The following TAFA5 variants were observed in gnomAD, a reference collection of about 807,000 sequenced individuals.
TAFA5 encodes the protein TAFA chemokine like family member 5.
TAFA5 carries 6 observed loss-of-function variants against 15.3 expected under a neutral mutation model. The ratio of observed to expected loss-of-function variants is 0.39; its 90% CI spans 0.21 to 0.77. The LOEUF is 0.77. Ranked by LOEUF, TAFA5 falls within the 30% of genes least tolerant of loss-of-function variation. The pLI is 0.41. For missense variants in TAFA5, 161 were observed against 193.1 expected (o/e 0.83, Z 0.98); for synonymous variants, 103 against 80.7 (o/e 1.28, Z -1.48).
rs565293218 is a variant in TAFA5 at position 48,586,995 on chromosome 22, G to A, written c.113-59602G>A. Among the ~76,000 whole-genome samples, 3 of 152,346 alleles carry A rather than the reference G, an allele frequency of 2.0e-5. No homozygotes were observed. In the East Asian group the frequency reaches 5.8e-4, roughly 29 times the overall value. ...CCACATGGGGACTCTGGTGAGAACC[G>A]GGCCTCCACCGACCCCCTGTCCAGG... On this transcript the variant is annotated intron_variant, in intron 1 of 3. Transcript: ENST00000402357.
chr22:48,602,729 C>G (rs1259183063), intron 1 of TAFA5, among the ~76,000 whole-genome samples: 1 of 152,164 alleles, frequency 6.6e-6, no homozygotes, highest in Non-Finnish European at 1.5e-5. Flanking sequence ...ACTGTGTGGC[C>G]TTGAAGTGTC....
At chr22:48,522,388 G>A (rs181818296) in intron 1 of TAFA5, among the ~76,000 whole-genome samples, 1 of 152,178 alleles carries the variant, frequency 6.6e-6, no homozygotes, top group Middle Eastern at 3.4e-3. Flanking sequence ...AGGTCCGGAG[G>A]CGGCCACCTC....
At chr22:48,740,866 C>A (rs998702901) in intron 3 of TAFA5, among the ~76,000 whole-genome samples, 1 of 152,212 alleles carries the variant, frequency 6.6e-6, no homozygotes, top group African/African-American at 2.4e-5. Flanking sequence ...CGCCCTCACC[C>A]CTGAGAACCC....
chr22:48,510,259 C>T (rs1362942885), intron 1 of TAFA5, among the ~76,000 whole-genome samples: 2 of 152,178 alleles, frequency 1.3e-5, no homozygotes, highest in African/African-American at 2.4e-5. Flanking sequence ...AAGAAGACAC[C>T]TGTGGAATGG....
chr22:48,710,878 C>T (rs1329155593), intron 3 of TAFA5, among the ~76,000 whole-genome samples: 6 of 152,160 alleles, frequency 3.9e-5, no homozygotes, highest in Admixed American at 1.3e-4. Context: ...TTGAATACTG[C>T]GGCTGGGTGA....
chr22:48,607,660 C>T (rs1051614083), intron 1 of TAFA5, among the ~76,000 whole-genome samples: 2 of 140,528 alleles, frequency 1.4e-5, no homozygotes, highest in African/African-American at 5.4e-5. Context: ...GCAGGTCTGT[C>T]CCAGGTTCTG....
intron 1 of TAFA5, among the ~76,000 whole-genome samples, chr22:48,535,569 T>C (rs1569015584): frequency 6.6e-6 from 1 of 152,096 alleles, no homozygotes; most frequent in Non-Finnish European, 1.5e-5. Flanking sequence ...GCTGTGTGGG[T>C]ATATGCATAT....
chr22:48,547,599 CA>C (rs1389207839), intron 1 of TAFA5, among the ~76,000 whole-genome samples: 5 of 152,106 alleles, frequency 3.3e-5, no homozygotes, highest in African/African-American at 1.2e-4. Context: ...CGCTCGTGTT[CA>C]GGGGTGCTGC....
At chr22:48,705,297 G>T (rs541906917) in intron 2 of TAFA5, among the ~76,000 whole-genome samples, 1 of 152,276 alleles carries the variant, frequency 6.6e-6, no homozygotes, top group African/African-American at 2.4e-5. Flanking sequence ...GTCCTCTGCC[G>T]TGGGTGCTGT....
chr22:48,583,731 G>A lies in TAFA5; in HGVS notation c.113-62866G>A, dbSNP rs1237961484. On this transcript the variant is annotated intron_variant, in intron 1 of 3. Transcript: ENST00000402357. ...ATCCCACACACACCACACACAAAATGTGCCACACAGACACCACACACACAG... is the reference window on the plus strand; with the variant it reads ...ATCCCACACACACCACACACAAAATATGCCACACAGACACCACACACACAG... 0.015 allele frequency among the ~76,000 whole-genome samples: 67 copies of A among 4,444 alleles called. No individual in the cohort carries two copies. The East Asian group carries it at 0.25, about 17-fold the overall frequency. 2.9% of individuals were successfully genotyped at this position (4,444 alleles called of 152,430 possible).
At chr22:48,738,466 C>T (rs748778031) in intron 3 of TAFA5, among the ~76,000 whole-genome samples, 3 of 152,088 alleles carry the variant, frequency 2.0e-5, no homozygotes, top group Non-Finnish European at 4.4e-5. Context: ...GGTCGAAGGC[C>T]ACGCCTGTGC....
At chr22:48,650,113 A>G (rs889406732) in intron 2 of TAFA5, among the ~76,000 whole-genome samples, 1 of 152,214 alleles carries the variant, frequency 6.6e-6, no homozygotes, top group South Asian at 2.1e-4. Flanking sequence ...TGCGTGCATA[A>G]TAAGTTTCCT....
chr22:48,634,217 AACTC>A (rs1269370926), intron 1 of TAFA5, among the ~76,000 whole-genome samples: 1 of 151,110 alleles, frequency 6.6e-6, no homozygotes, highest in Non-Finnish European at 1.5e-5. Flanking sequence ...CTCATTGACT[AACTC>A]ACTTATTCAC....
chr22:48,536,405 G>A (rs568939843), intron 1 of TAFA5, among the ~76,000 whole-genome samples: 7 of 152,352 alleles, frequency 4.6e-5, no homozygotes, highest in Non-Finnish European at 8.8e-5. Flanking sequence ...GAGGCAGGCC[G>A]TCCTTTCAGC....
intron 1 of TAFA5, among the ~76,000 whole-genome samples, chr22:48,532,445 ACC>A (rs1004358964): frequency 1.3e-5 from 2 of 152,324 alleles, no homozygotes. Flanking sequence ...CTGTTCATGT[ACC>A]CAGCAAGGAT....
intron 2 of TAFA5, among the ~76,000 whole-genome samples, chr22:48,684,986 G>A (rs191451700): frequency 6.6e-6 from 1 of 152,210 alleles, no homozygotes; most frequent in African/African-American, 2.4e-5. Flanking sequence ...GGAAGACCAC[G>A]TGTGCCTGAG....
intron 3 of TAFA5, among the ~76,000 whole-genome samples, chr22:48,708,073 C>G (rs1929138781): frequency 6.6e-6 from 1 of 152,082 alleles, no homozygotes. Context: ...GAGCTGGATG[C>G]AGAACCAGCT....
At chr22:48,689,931 G>A (rs1331830495) in intron 2 of TAFA5, among the ~76,000 whole-genome samples, 1 of 152,272 alleles carries the variant, frequency 6.6e-6, no homozygotes. Flanking sequence ...AGTCCCTCCA[G>A]GATGAGGGAT....
rs576132343 is a variant in TAFA5 at position 48,556,537 on chromosome 22, GT to G, written c.112+66835del. On this transcript the variant is annotated intron_variant, in intron 1 of 3. Transcript: ENST00000402357. ...AAGAGAAGCTTCTTGGCAGGCCCATGTTGGAAGACCTTTGATTTTTGAAAGG... is the reference window on the plus strand; with the variant it reads ...AAGAGAAGCTTCTTGGCAGGCCCATGTGGAAGACCTTTGATTTTTGAAAGG... Among the ~76,000 whole-genome samples, 13 of 152,380 alleles carry G rather than the reference GT, an allele frequency of 8.5e-5. No individual in the cohort carries two copies. In the South Asian group the frequency reaches 2.7e-3, roughly 32 times the overall value.
Sources: allele counts gnomAD v4.1 joint callset (sites outside exome capture counted in the v4.1 genomes callset), GRCh38; gene constraint gnomAD v4.1.1; transcripts MANE v1.5; gene names NCBI Gene and HGNC (gene_info 2026-07-23, HGNC 2026-07-21).